Variants in IMMT observed in about 807,000 individuals in gnomAD.
IMMT encodes inner membrane mitochondrial protein.
In IMMT, 40 loss-of-function variants were observed where a neutral mutation model predicts 92.7. That is an observed-to-expected ratio of 0.43 (90% CI 0.34 to 0.56). IMMT has a LOEUF of 0.56. Ranked by LOEUF, IMMT falls within the 20% of genes least tolerant of loss-of-function variation. The pLI, the probability that IMMT is intolerant of heterozygous loss-of-function variation, is 0.03. For missense variants in IMMT, 831 were observed against 912.1 expected, an observed-to-expected ratio of 0.91 and a Z score of 1.14; for synonymous variants, 322 against 336.1, an observed-to-expected ratio of 0.96 and a Z score of 0.46.
Position 86,151,436 on chromosome 2 carries a change from T to G in IMMT, c.1262A>C (p.Glu421Ala), listed in dbSNP as rs1211500231. The stretch of plus-strand genomic sequence containing the variant: ...GTGCTGCTTTTCGGTGGCCTTCTGT[T>G]CTGCCAGCTCTCTGTTCAGCTGATC... ...RIDQLNRELA[E>A]QKATEKQHIT... is the part of the protein sequence containing the mutation. Residue 421 changes from glutamate to alanine, a missense_variant, in exon 12 of 15, where the codon GAA becomes GCA. Glu to Ala is a moderately radical substitution (Grantham distance 107, BLOSUM62 -1). Coordinates refer to ENST00000410111, the MANE Select transcript of IMMT (RefSeq NM_006839.3). 1.9e-6 allele frequency: 3 copies of G among 1,613,942 alleles called. No individual in the cohort carries two copies. Among genetic ancestry groups the G allele is most frequent in the Non-Finnish European group, 8.5e-7 (1 of 1,179,910 alleles).
intron 1 of IMMT, among the ~76,000 whole-genome samples, chr2:86,189,870 A>G (rs1292581771): frequency 6.6e-6 from 1 of 152,258 alleles, no homozygotes; most frequent in Non-Finnish European, 1.5e-5. Flanking sequence ...GTAAGTTTTT[A>G]CATTGAAATT....
chr2:86,158,571 C>A, intron 10 of IMMT, 21 bp downstream of exon 10: 2 of 1,548,792 alleles, frequency 1.3e-6, no homozygotes, highest in Non-Finnish European at 1.8e-6. Flanking sequence ...AAAAAAAAAA[C>A]ATTACTTCAG....
At chr2:86,176,382 G>A (rs904176567) in intron 3 of IMMT, among the ~76,000 whole-genome samples, 1 of 152,176 alleles carries the variant, frequency 6.6e-6, no homozygotes, top group African/African-American at 2.4e-5. Flanking sequence ...TCTGTTAGGA[G>A]GAGAGATCTA....
chr2:86,156,948 T>A (rs756039247), intron 10 of IMMT, among the ~76,000 whole-genome samples: 3 of 152,108 alleles, frequency 2.0e-5, no homozygotes, highest in Non-Finnish European at 4.4e-5. Context: ...GGTACAGTGG[T>A]TTGTGGAGGA....
chr2:86,187,289 T>C (rs1171320953), intron 1 of IMMT, among the ~76,000 whole-genome samples: 1 of 152,238 alleles, frequency 6.6e-6, no homozygotes, highest in Non-Finnish European at 1.5e-5. Flanking sequence ...ATATTTTGTA[T>C]AAATGGAATC....
chr2:86,194,536 T>C (rs1040423374), intron 1 of IMMT, among the ~76,000 whole-genome samples: 3 of 152,202 alleles, frequency 2.0e-5, no homozygotes, highest in Non-Finnish European at 4.4e-5. Flanking sequence ...AGTACTTGGT[T>C]TGCTATCTAC....
intron 1 of IMMT, 52 bp from the exon 2 acceptor site, chr2:86,181,424 C>T: frequency 1.6e-6 from 2 of 1,278,450 alleles, no homozygotes; most frequent in South Asian, 2.4e-5. Flanking sequence ...AACTGGTAAG[C>T]TTTTAGGGTT....
intron 1 of IMMT, among the ~76,000 whole-genome samples, chr2:86,187,434 G>A (rs371734972): frequency 1.3e-5 from 2 of 152,050 alleles, no homozygotes; most frequent in Non-Finnish European, 1.5e-5. Context: ...ATTTTATCAC[G>A]TAAATATACC....
chr2:86,185,097 A>G (rs1193178880), intron 1 of IMMT, among the ~76,000 whole-genome samples: 1 of 152,030 alleles, frequency 6.6e-6, no homozygotes, highest in East Asian at 1.9e-4. Context: ...CTGAGGCAGC[A>G]TGAACCCGGG....
chr2:86,192,939 T>C (rs926447519), intron 1 of IMMT: 2 of 153,946 alleles, frequency 1.3e-5, no homozygotes, highest in Admixed American at 6.6e-5. Context: ...CAAGGGCCCA[T>C]GGTAAGCAGT....
chr2:86,191,868 T>C (rs1673147251), intron 1 of IMMT, among the ~76,000 whole-genome samples: 1 of 150,668 alleles, frequency 6.6e-6, no homozygotes, highest in South Asian at 2.1e-4. Context: ...TGTGCTGAAA[T>C]GGCGCCACTG....
chr2:86,160,444 C>G (rs1424692302), intron 8 of IMMT, among the ~76,000 whole-genome samples: 1 of 152,152 alleles, frequency 6.6e-6, no homozygotes, highest in Non-Finnish European at 1.5e-5. Flanking sequence ...TCAGGGAGCC[C>G]TCACGATTCA....
At chr2:86,154,203 C>T (rs1304774995) in intron 10 of IMMT, among the ~76,000 whole-genome samples, 20 of 139,396 alleles carry the variant, frequency 1.4e-4, no homozygotes, top group Non-Finnish European at 1.1e-4. Context: ...GACAGAGTCT[C>T]GCTCTGTCGC....
At chr2:86,169,391 C>T (rs868045060) in intron 6 of IMMT, among the ~76,000 whole-genome samples, 6 of 151,968 alleles carry the variant, frequency 3.9e-5, no homozygotes, top group South Asian at 2.1e-4. Context: ...AAATCAAAAA[C>T]GAAAATCCAA....
At position 86,177,675 on chromosome 2, in the gene IMMT, A is replaced by G. The variant is rs539478970; in HGVS notation, c.309+1758T>C. Among the ~76,000 whole-genome samples the G allele has an allele frequency of 6.3e-4, 96 of 152,328 alleles. No homozygotes were observed. In the South Asian group the frequency reaches 0.018, roughly 29 times the overall value. On this transcript the variant is annotated intron_variant, in intron 3 of 14. Transcript: ENST00000410111. ...ATACACACAAAGTTACAGGAATAGT[A>G]CAAGATATCCTGTCAACTAATCAGC...
chr2:86,169,450 A>G (rs1167162696), intron 6 of IMMT, among the ~76,000 whole-genome samples: 4 of 152,226 alleles, frequency 2.6e-5, no homozygotes, highest in African/African-American at 9.6e-5. Context: ...CACCTATGCT[A>G]TTCTAAGAAA....
chr2:86,162,544 A>AT (rs900687424), intron 7 of IMMT, among the ~76,000 whole-genome samples: 4 of 149,604 alleles, frequency 2.7e-5, no homozygotes, highest in African/African-American at 1.0e-4. Flanking sequence ...TGAAATGTGT[A>AT]TTAAAAAAAA....
At position 86,195,377 on chromosome 2, in the gene IMMT, C is replaced by T. The variant is rs1673470755; in HGVS notation, c.6G>A (p.Leu2=). The change falls in exon 1 of 15, where the codon CTG becomes CTA. Residue 2 remains leucine (L), a synonymous_variant. Coordinates refer to ENST00000410111, the MANE Select transcript of IMMT (RefSeq NM_006839.3). ...TCACACCCGATAACTGACAGGCCCG[C>T]AGCATCTCGGTCAAGCGGACGGCGC... M[L]RACQLSGVTA... is the part of the protein sequence containing the mutation. The T allele has an allele frequency of 6.5e-7, 1 of 1,549,458 alleles. No homozygotes were observed. Among genetic ancestry groups the T allele is most frequent in the South Asian group, 1.2e-5 (1 of 83,724 alleles).
At chr2:86,166,408 A>G in intron 7 of IMMT, 100 bp downstream of exon 7, 1 of 998,968 alleles carries the variant, frequency 1.0e-6, no homozygotes, top group Admixed American at 2.3e-5. Context: ...TACGGAAGAA[A>G]GCAGTCTGTT....
Sources: gnomAD v4.1 joint callset for allele counts (sites outside exome capture counted in the v4.1 genomes callset) on GRCh38, gnomAD v4.1.1 for gene constraint, MANE v1.5 for transcripts, NCBI Gene and HGNC (gene_info 2026-07-23, HGNC 2026-07-21) for gene names.